Variants in DOCK4 observed in about 807,000 individuals in gnomAD.
The protein encoded by DOCK4 is dedicator of cytokinesis 4.
Under a neutral mutation model 268.1 loss-of-function variants are expected in DOCK4, and 97 were observed. The ratio of observed to expected loss-of-function variants is 0.36; its 90% CI spans 0.31 to 0.43. DOCK4 has a LOEUF of 0.43. Ranked by LOEUF, DOCK4 falls within the 20% of genes least tolerant of loss-of-function variation. DOCK4 has a pLI of 1.00. For synonymous variants in DOCK4, 954 were observed against 887.2 expected, an observed-to-expected ratio of 1.08 and a Z score of -1.34; for missense variants, 2,145 against 2,455.7, an observed-to-expected ratio of 0.87 and a Z score of 2.67.
intron 26 of DOCK4, among the ~76,000 whole-genome samples, chr7:111,828,703 G>C (rs939991401): frequency 5.3e-5 from 8 of 151,932 alleles, no homozygotes; most frequent in African/African-American, 1.9e-4. Flanking sequence ...GGTGTATCAA[G>C]ATGTTTACTG....
chr7:112,157,790 G>A (rs904631125), intron 1 of DOCK4, among the ~76,000 whole-genome samples: 2 of 152,168 alleles, frequency 1.3e-5, no homozygotes, highest in African/African-American at 4.8e-5. Flanking sequence ...GGAGTTCTTG[G>A]AAAAGCAGAC....
intron 1 of DOCK4, among the ~76,000 whole-genome samples, chr7:112,192,638 A>G (rs1004522352): frequency 6.6e-5 from 10 of 152,246 alleles, no homozygotes; most frequent in African/African-American, 2.2e-4. Context: ...ATTTAAAAAC[A>G]AAATCAGGGT....
intron 1 of DOCK4, among the ~76,000 whole-genome samples, chr7:112,017,614 G>T (rs1307557637): frequency 6.6e-6 from 1 of 152,114 alleles, no homozygotes; most frequent in African/African-American, 2.4e-5. Flanking sequence ...ACAACCTGGC[G>T]ATCCATCCAT....
At chr7:112,106,048 C>A (rs910824734) in intron 1 of DOCK4, among the ~76,000 whole-genome samples, 1 of 152,226 alleles carries the variant, frequency 6.6e-6, no homozygotes, top group Non-Finnish European at 1.5e-5. Context: ...CGGACCACAA[C>A]AGATTCTGTT....
intron 1 of DOCK4, among the ~76,000 whole-genome samples, chr7:112,033,839 G>A (rs1803497240): frequency 6.6e-6 from 1 of 152,124 alleles, no homozygotes; most frequent in Non-Finnish European, 1.5e-5. Context: ...GAACTAGTAA[G>A]CTCAACATAA....
At chr7:112,191,606 C>A (rs1021858203) in intron 1 of DOCK4, among the ~76,000 whole-genome samples, 94 of 152,318 alleles carry the variant, frequency 6.2e-4, no homozygotes, top group African/African-American at 2.2e-3. Context: ...TTCTTCAGCA[C>A]TGCCCATAGA....
chr7:111,867,002 A>G (rs1453911620), intron 22 of DOCK4, among the ~76,000 whole-genome samples: 4 of 152,140 alleles, frequency 2.6e-5, no homozygotes, highest in Non-Finnish European at 4.4e-5. Context: ...CAGTGATTGT[A>G]CTCTTGACTG....
At chr7:111,792,722 TG>T (rs1166737803) in intron 30 of DOCK4, among the ~76,000 whole-genome samples, 1 of 152,052 alleles carries the variant, frequency 6.6e-6, no homozygotes, top group East Asian at 1.9e-4. Flanking sequence ...TGAAAGAATC[TG>T]GGGAGCAGCT....
At chr7:112,117,629 C>T (rs1432766916) in intron 1 of DOCK4, among the ~76,000 whole-genome samples, 1 of 152,252 alleles carries the variant, frequency 6.6e-6, no homozygotes, top group East Asian at 1.9e-4. Flanking sequence ...CCTTGGCCTC[C>T]CAAAGTGCTG....
intron 26 of DOCK4, among the ~76,000 whole-genome samples, chr7:111,825,870 T>C (rs929267924): frequency 3.3e-5 from 5 of 152,214 alleles, no homozygotes; most frequent in Non-Finnish European, 7.4e-5. Context: ...CATAATTAAA[T>C]ATAAAACAAA....
At chr7:111,746,174 A>T (rs768122532) in intron 44 of DOCK4, among the ~76,000 whole-genome samples, 160 bp downstream of exon 44, 3 of 152,178 alleles carry the variant, frequency 2.0e-5, no homozygotes, top group East Asian at 1.9e-4. Flanking sequence ...TGGGAAGAAG[A>T]AGTAGAAATT....
intron 26 of DOCK4, among the ~76,000 whole-genome samples, chr7:111,831,815 A>G (rs1311742619): frequency 6.6e-6 from 1 of 152,184 alleles, no homozygotes; most frequent in African/African-American, 2.4e-5. Context: ...GTGCAACCAG[A>G]CAGGTCTTTC....
intron 47 of DOCK4, among the ~76,000 whole-genome samples, chr7:111,740,706 C>CT (rs1041518612): frequency 4.4e-4 from 50 of 113,656 alleles, no homozygotes; most frequent in African/African-American, 1.6e-3. Flanking sequence ...GCACTCCAGA[C>CT]TGGGAGACAG....
chr7:111,995,909 T>C (rs933567109), intron 4 of DOCK4, among the ~76,000 whole-genome samples: 1 of 152,194 alleles, frequency 6.6e-6, no homozygotes, highest in African/African-American at 2.4e-5. Flanking sequence ...TAAACAGTAA[T>C]ATATAAACTG....
chr7:112,000,944 A>G (rs1800374759), intron 2 of DOCK4, among the ~76,000 whole-genome samples: 1 of 152,186 alleles, frequency 6.6e-6, no homozygotes, highest in Non-Finnish European at 1.5e-5. Context: ...TCTGCACAAG[A>G]TTTCATACAT....
intron 25 of DOCK4, among the ~76,000 whole-genome samples, chr7:111,835,237 A>G (rs1308322621): frequency 1.3e-5 from 2 of 152,134 alleles, no homozygotes; most frequent in African/African-American, 4.8e-5. Flanking sequence ...TTTGAATTCA[A>G]ATGACCTCCT....
intron 20 of DOCK4, among the ~76,000 whole-genome samples, chr7:111,869,908 A>C (rs1806271655): frequency 6.6e-6 from 1 of 152,220 alleles, no homozygotes; most frequent in South Asian, 2.1e-4. Flanking sequence ...TAATGCCTCC[A>C]AATGGGTGAA....
intron 1 of DOCK4, among the ~76,000 whole-genome samples, chr7:112,186,336 A>G (rs1362964974): frequency 6.6e-6 from 1 of 152,228 alleles, no homozygotes; most frequent in Non-Finnish European, 1.5e-5. Context: ...GGAAGACACT[A>G]CAACATACTG....
chr7:111,890,416 C>G (rs1808194584), intron 16 of DOCK4, among the ~76,000 whole-genome samples: 1 of 152,114 alleles, frequency 6.6e-6, no homozygotes, highest in Non-Finnish European at 1.5e-5. Context: ...TTAGGCTTAT[C>G]TGTCAGCCAT....
Sources: gnomAD v4.1 joint callset for allele counts (sites outside exome capture counted in the v4.1 genomes callset) on GRCh38, gnomAD v4.1.1 for gene constraint, MANE v1.5 for transcripts, NCBI Gene and HGNC (gene_info 2026-07-23, HGNC 2026-07-21) for gene names.